The following PCDHA4 variants were observed in gnomAD, a reference collection of about 807,000 sequenced individuals.
PCDHA4 encodes protocadherin alpha 4.
Under a neutral mutation model 61.4 loss-of-function variants are expected in PCDHA4, and 49 were observed. The observed-to-expected ratio is 0.80, with a 90% CI of 0.63 to 1.01. The LOEUF (loss-of-function observed/expected upper bound fraction) is 1.01, where lower values mean the gene tolerates loss of function less well. Ranked by LOEUF, PCDHA4 falls within the 50% of genes least tolerant of loss-of-function variation. The probability of loss-of-function intolerance (pLI) is 0.00; values close to 1 mark genes in which losing one functional copy is unlikely to be tolerated. For synonymous variants in PCDHA4, 590 were observed against 550.3 expected, an observed-to-expected ratio of 1.07 and a Z score of -1.01; for missense variants, 1,254 against 1,235.8, an observed-to-expected ratio of 1.01 and a Z score of -0.22.
At chr5:140,866,880 C>T (rs1270572722) in intron 1 of PCDHA4, 2 of 152,032 alleles carry the variant, frequency 1.3e-5, no homozygotes, top group Non-Finnish European at 2.9e-5. Context: ...TTGGTATTAG[C>T]CTATACCCAG....
intron 1 of PCDHA4, chr5:140,835,697 T>G (rs2150242231): frequency 1.6e-5 from 26 of 1,613,776 alleles, no homozygotes; most frequent in African/African-American, 6.7e-5. Flanking sequence ...TGTGGGCCAC[T>G]GCTAGCGTGT....
chr5:140,941,245 TTCTTTCTTTC>T (rs1379125224), intron 1 of PCDHA4, among the ~76,000 whole-genome samples: 44 of 140,720 alleles, frequency 3.1e-4, no homozygotes, highest in Middle Eastern at 3.3e-3. Context: ...CTTTCTTTCT[TTCTTTCTTTC>T]TCTTTCTTTC....
rs782116961 is a variant in PCDHA4, at chr5:140,966,933, C to T, written c.2386-12016C>T. On this transcript the variant is annotated intron_variant, in intron 1 of 3. Transcript: ENST00000530339. ...GTGCCAGAGGAGCAGGCACCCGGCGCGCTCGTGGGCAACGTGGCTCGCGCG... is the reference window on the plus strand; with the variant it reads ...GTGCCAGAGGAGCAGGCACCCGGCGTGCTCGTGGGCAACGTGGCTCGCGCG... 2.5e-6 allele frequency: 4 copies of T among 1,603,904 alleles called. No individual in the cohort carries two copies. The highest frequency in any genetic ancestry group is 1.1e-5 in the South Asian group (1 of 90,778).
At chr5:140,914,439 T>A (rs1352001626) in intron 1 of PCDHA4, among the ~76,000 whole-genome samples, 2 of 152,310 alleles carry the variant, frequency 1.3e-5, no homozygotes, top group South Asian at 2.1e-4. Context: ...TCTTTTCCCA[T>A]GTCTTTATTT....
chr5:140,875,176 A>G, intron 1 of PCDHA4: 1 of 397,444 alleles, frequency 2.5e-6, no homozygotes, highest in Non-Finnish European at 4.2e-6. Context: ...TCGAAACATT[A>G]GAATTAAGAG....
intron 1 of PCDHA4, chr5:140,853,468 T>A: frequency 1.0e-6 from 1 of 970,862 alleles, no homozygotes. Flanking sequence ...TATGCATCTG[T>A]AGTTAACATT....
At chr5:140,907,021 C>A (rs950958374) in intron 1 of PCDHA4, among the ~76,000 whole-genome samples, 1 of 152,168 alleles carries the variant, frequency 6.6e-6, no homozygotes, top group Non-Finnish European at 1.5e-5. Flanking sequence ...TCTAGGCCAG[C>A]AGAACATAAT....
intron 1 of PCDHA4, among the ~76,000 whole-genome samples, chr5:140,885,974 T>C (rs2060795303): frequency 6.6e-6 from 1 of 152,200 alleles, no homozygotes; most frequent in Admixed American, 6.5e-5. Flanking sequence ...GAGATAATTA[T>C]AGATTCGCAT....
intron 1 of PCDHA4, chr5:140,843,183 C>T: frequency 6.3e-7 from 1 of 1,596,024 alleles, no homozygotes; most frequent in Non-Finnish European, 8.6e-7. Context: ...CCTCGCATCC[C>T]GTTCCGCGTG....
Position 140,857,830 on chromosome 5 carries a change from C to T in PCDHA4, c.2385+48258C>T, listed in dbSNP as rs782060681. ...CGGGTCACGTGGTGGCTAAGGTGCG[C>T]GCAGTGGACGCTGACTCTGGATACA... On this transcript the variant is annotated intron_variant, in intron 1 of 3. Coordinates refer to ENST00000530339, the MANE Select transcript of PCDHA4 (RefSeq NM_018907.4). The T allele has an allele frequency of 3.1e-6, 5 of 1,597,596 alleles. 1 individual carries two copies. Among genetic ancestry groups the T allele is most frequent in the African/African-American group, 2.7e-5 (2 of 74,244 alleles).
At chr5:140,895,481 A>G (rs1344099308) in intron 1 of PCDHA4, among the ~76,000 whole-genome samples, 1 of 152,168 alleles carries the variant, frequency 6.6e-6, no homozygotes, top group African/African-American at 2.4e-5. Flanking sequence ...CTTCGGAGAA[A>G]TACCTATTCA....
chr5:140,834,262 C>A, intron 1 of PCDHA4: 2 of 985,850 alleles, frequency 2.0e-6, no homozygotes, highest in Non-Finnish European at 3.0e-6. Context: ...ACGCTCCACT[C>A]TCTTTCACTC....
chr5:140,878,257 T>C (rs1266553954), intron 1 of PCDHA4, among the ~76,000 whole-genome samples: 10 of 152,206 alleles, frequency 6.6e-5, no homozygotes, highest in African/African-American at 2.4e-4. Flanking sequence ...CCTCACGTGC[T>C]TAGGCTTTTA....
chr5:140,810,043 C>G (rs1483252615), intron 1 of PCDHA4: 1 of 154,640 alleles, frequency 6.5e-6, no homozygotes, highest in Non-Finnish European at 1.4e-5. Context: ...CCTTTTATAA[C>G]TGTTTGTTCG....
At chr5:140,838,065 T>TTA (rs144773480) in intron 1 of PCDHA4, among the ~76,000 whole-genome samples, 9 of 113,460 alleles carry the variant, frequency 7.9e-5, no homozygotes, top group Non-Finnish European at 1.3e-4. Context: ...CCACTTTAAG[T>TTA]TATATATATA....
At chr5:140,942,996 C>T (rs1294135098) in intron 1 of PCDHA4, among the ~76,000 whole-genome samples, 1 of 151,798 alleles carries the variant, frequency 6.6e-6, no homozygotes, top group South Asian at 2.1e-4. Context: ...GTGGCTCATG[C>T]CTGTAATCCC....
chr5:140,832,599 G>A (rs1554133577), intron 1 of PCDHA4, among the ~76,000 whole-genome samples: 2 of 152,148 alleles, frequency 1.3e-5, no homozygotes, highest in Non-Finnish European at 2.9e-5. Context: ...GAACTATAGC[G>A]TTGCTAGTGA....
chr5:140,849,445 A>G, intron 1 of PCDHA4: 1 of 1,585,774 alleles, frequency 6.3e-7, no homozygotes, highest in South Asian at 1.1e-5. Flanking sequence ...AGAGCACACA[A>G]GATCCCAGTC....
intron 1 of PCDHA4, chr5:140,822,747 A>C: frequency 6.2e-7 from 1 of 1,613,832 alleles, no homozygotes. Flanking sequence ...CCATGGATAA[A>C]AGTACATTCC....
Sources: gnomAD v4.1 joint callset for allele counts (sites outside exome capture counted in the v4.1 genomes callset) on GRCh38, gnomAD v4.1.1 for gene constraint, MANE v1.5 for transcripts, NCBI Gene and HGNC (gene_info 2026-07-23, HGNC 2026-07-21) for gene names.